Variants in COL4A1 observed in about 807,000 individuals in gnomAD.
The protein encoded by COL4A1 is collagen type IV alpha 1 chain, also known as collagen alpha-1(IV) chain.
Under a neutral mutation model 216.6 loss-of-function variants are expected in COL4A1, and 40 were observed. That is an observed-to-expected ratio of 0.18 (90% confidence interval 0.14 to 0.24). The LOEUF is 0.24. Ranked by LOEUF, COL4A1 falls within the 10% of genes least tolerant of loss-of-function variation. The probability of loss-of-function intolerance (pLI) is 1.00; values close to 1 mark genes in which losing one functional copy is unlikely to be tolerated. For synonymous variants in COL4A1, 839 were observed against 810.7 expected, an observed-to-expected ratio of 1.03 and a Z score of -0.59; for missense variants, 1,628 against 2,196.8, an observed-to-expected ratio of 0.74 and a Z score of 5.18.
At chr13:110,286,190 G>T (rs1280068983) in intron 1 of COL4A1, among the ~76,000 whole-genome samples, 4 of 152,222 alleles carry the variant, frequency 2.6e-5, no homozygotes, top group Non-Finnish European at 1.5e-5. Flanking sequence ...TGGCTCAAAG[G>T]CTGCAGCTGC....
At position 110,173,921 on chromosome 13, in the gene COL4A1, C is replaced by T. The variant is rs778978790; in HGVS notation, c.3484G>A (p.Ala1162Thr). The T allele has an allele frequency of 6.2e-7, 1 of 1,614,180 alleles. No individual in the cohort carries two copies. The highest frequency in any genetic ancestry group is 8.5e-7 in the Non-Finnish European group (1 of 1,180,024). The change falls in exon 40 of 52, where the codon GCA (alanine) becomes ACA (threonine). Residue 1162 changes from alanine to threonine, a missense_variant. Transcript: ENST00000375820. ...ATACCTGGTTCACCCTTCTCTCCTG[C>T]TGACCCCGGGATTCCATCACTGCCT... ...EPGSDGIPGS[A>T]GEKGEPGLPG...
chr13:110,271,782 T>A (rs73615455), intron 1 of COL4A1, among the ~76,000 whole-genome samples: 27,896 of 152,224 alleles, frequency 0.18, 2,940 homozygotes, highest in African/African-American at 0.3. Context: ...AGTATTATCT[T>A]AATTTTATTT....
rs1185307528 is a variant in COL4A1 at position 110,152,374 on chromosome 13, T to A, written c.4888A>T (p.Ser1630Cys). ...CTCTCTATGGTGGCGAGCCAAAAGCTGTAAGCGTTTGCGTAGTAATTGCAG... is the reference window on the plus strand; with the variant it reads ...CTCTCTATGGTGGCGAGCCAAAAGCAGTAAGCGTTTGCGTAGTAATTGCAG... ...GTCNYYANAY[S>C]FWLATIERSE... Residue 1630 changes from serine to cysteine, a missense_variant, in exon 51 of 52, where the codon AGC becomes TGC. Around this residue, in one of 8 missense-constraint regions of COL4A1, gnomAD observed 254 missense variants for 300.1 expected, o/e 0.85. Coordinates refer to ENST00000375820, the MANE Select transcript of COL4A1 (RefSeq NM_001845.6). 6 of 1,614,064 alleles carry A rather than the reference T, an allele frequency of 3.7e-6. No homozygotes were observed. Among genetic ancestry groups the A allele is most frequent in the Non-Finnish European group, 5.1e-6 (6 of 1,180,046 alleles).
intron 1 of COL4A1, among the ~76,000 whole-genome samples, chr13:110,248,316 C>A (rs1183971911): frequency 1.3e-5 from 2 of 152,180 alleles, no homozygotes; most frequent in Non-Finnish European, 2.9e-5. Context: ...GGCGGGATTG[C>A]GAGCGGGACA....
intron 1 of COL4A1, among the ~76,000 whole-genome samples, chr13:110,280,936 G>A (rs981197515): frequency 4.6e-5 from 7 of 152,004 alleles, no homozygotes; most frequent in African/African-American, 9.6e-5. Flanking sequence ...TTAGATCGCC[G>A]TATTATACTT....
At chr13:110,219,753 T>C (rs186273338) in intron 2 of COL4A1, among the ~76,000 whole-genome samples, 2 of 135,698 alleles carry the variant, frequency 1.5e-5, no homozygotes, top group East Asian at 2.0e-4. Context: ...TACATATGTG[T>C]ATATATGCGT....
At chr13:110,189,554 C>T (rs570805643) in intron 24 of COL4A1, among the ~76,000 whole-genome samples, 10 of 152,314 alleles carry the variant, frequency 6.6e-5, no homozygotes, top group African/African-American at 1.9e-4. Flanking sequence ...AAAGGTGGAA[C>T]ACACCCAGTC....
chr13:110,212,465 T>A lies in COL4A1; in HGVS notation c.339A>T (p.Gln113His). Residue 113 changes from glutamine to histidine, a missense_variant, in exon 6 of 52, where the codon CAA (glutamine) becomes CAT (histidine). By Grantham distance (24) the Gln-to-His change is conservative (BLOSUM62 0). Around this residue, in one of 8 missense-constraint regions of COL4A1, gnomAD observed 150 missense variants for 211.9 expected, o/e 0.71. Transcript: ENST00000375820. ...TACCTGGGGGGCCTGGCGGGCCGTCTTGGCCAGGAATTCCCTGCAATGAAG... is the reference window on the plus strand; with the variant it reads ...TACCTGGGGGGCCTGGCGGGCCGTCATGGCCAGGAATTCCCTGCAATGAAG... The part of the protein sequence containing the change: ...GNPGLPGIPG[Q>H]DGPPGPPGIP... The A allele has an allele frequency of 6.2e-7, 1 of 1,614,208 alleles. No individual in the cohort carries two copies. The highest frequency in any genetic ancestry group is 8.5e-7 in the Non-Finnish European group (1 of 1,180,050).
intron 1 of COL4A1, among the ~76,000 whole-genome samples, chr13:110,288,425 A>C (rs1016867555): frequency 5.3e-5 from 8 of 152,190 alleles, no homozygotes; most frequent in African/African-American, 1.7e-4. Context: ...TCCATGGCTC[A>C]GGAGATCAGC....
intron 2 of COL4A1, among the ~76,000 whole-genome samples, chr13:110,219,890 GTGTATATATA>G (rs1279182108): frequency 2.1e-5 from 3 of 140,828 alleles, no homozygotes; most frequent in African/African-American, 5.4e-5. Flanking sequence ...ATATATATGT[GTGTATATATA>G]TGTATATATA....
At chr13:110,261,248 A>G (rs562857425) in intron 1 of COL4A1, among the ~76,000 whole-genome samples, 1 of 152,166 alleles carries the variant, frequency 6.6e-6, no homozygotes, top group Non-Finnish European at 1.5e-5. Context: ...GCCCTGGCGC[A>G]GGAAGCCCCC....
intron 1 of COL4A1, among the ~76,000 whole-genome samples, chr13:110,252,478 T>TATAC (rs1491561944): frequency 4.5e-5 from 2 of 44,782 alleles, no homozygotes; most frequent in African/African-American, 1.4e-4. Context: ...TTATATGTAT[T>TATAC]ATATATACGT....
At chr13:110,300,146 T>C (rs191356734) in intron 1 of COL4A1, among the ~76,000 whole-genome samples, 115 of 152,328 alleles carry the variant, frequency 7.5e-4, no homozygotes, top group African/African-American at 2.7e-3. Flanking sequence ...TTAATAAATA[T>C]GAAGGAAACA....
intron 50 of COL4A1, among the ~76,000 whole-genome samples, chr13:110,154,078 G>A (rs1594528881): frequency 6.6e-6 from 1 of 152,232 alleles, no homozygotes; most frequent in African/African-American, 2.4e-5. Flanking sequence ...TATGAAGCCT[G>A]TCAATCAGAT....
intron 1 of COL4A1, 58 bp downstream of exon 1, chr13:110,306,886 T>C: frequency 7.1e-7 from 1 of 1,405,026 alleles, no homozygotes; most frequent in Non-Finnish European, 9.3e-7. Context: ...CAAAGGGGCC[T>C]CTCGGGGCGC....
intron 12 of COL4A1, among the ~76,000 whole-genome samples, chr13:110,208,167 T>C (rs1243187327): frequency 6.6e-6 from 1 of 152,212 alleles, no homozygotes; most frequent in Non-Finnish European, 1.5e-5. Context: ...AGCCAGTGCC[T>C]GCTTCATTGG....
At chr13:110,279,890 T>G (rs1883562564) in intron 1 of COL4A1, among the ~76,000 whole-genome samples, 2 of 152,204 alleles carry the variant, frequency 1.3e-5, no homozygotes, top group Admixed American at 6.5e-5. Flanking sequence ...CCCTCCTTAC[T>G]GTGGCCACTG....
intron 45 of COL4A1, among the ~76,000 whole-genome samples, chr13:110,165,974 A>C (rs1021263201): frequency 3.3e-5 from 5 of 152,182 alleles, no homozygotes; most frequent in African/African-American, 1.2e-4. Flanking sequence ...TGAGCCTGTC[A>C]GTGAGAACCT....
At chr13:110,216,478 G>A (rs970718983) in intron 2 of COL4A1, among the ~76,000 whole-genome samples, 1 of 152,174 alleles carries the variant, frequency 6.6e-6, no homozygotes, top group African/African-American at 2.4e-5. Flanking sequence ...CAGACAGGAA[G>A]GAAATGAGAA....
Sources: allele counts gnomAD v4.1 joint callset (sites outside exome capture counted in the v4.1 genomes callset), GRCh38; gene constraint gnomAD v4.1.1; regional missense constraint gnomAD v4.1.1; transcripts MANE v1.5; gene names NCBI Gene and HGNC (gene_info 2026-07-23, HGNC 2026-07-21).